The following SPTBN4 variants were observed in gnomAD, a reference collection of about 807,000 sequenced individuals.
The protein encoded by SPTBN4 is spectrin beta, non-erythrocytic 4, also known as spectrin beta chain, non-erythrocytic 4.
A neutral mutation model predicts 277.8 loss-of-function variants in SPTBN4; 96 were observed. The ratio of observed to expected loss-of-function variants is 0.35; its 90% CI spans 0.29 to 0.41. SPTBN4 has a LOEUF of 0.41. Among genes scored for constraint, SPTBN4 ranks in the 10% least tolerant of loss-of-function variants. SPTBN4 has a pLI of 1.00. For missense variants in SPTBN4, 3,006 were observed against 3,595.7 expected (o/e 0.84, Z 4.19); for synonymous variants, 1,481 against 1,580.3 (o/e 0.94, Z 1.49).
chr19:40,510,024 C>T (rs577566945), intron 13 of SPTBN4, among the ~76,000 whole-genome samples: 2 of 152,150 alleles, frequency 1.3e-5, no homozygotes, highest in African/African-American at 2.4e-5. Flanking sequence ...TCAGCAGCTC[C>T]GAGAATACAG....
At chr19:40,566,991 A>AC in intron 30 of SPTBN4, 1 of 298,022 alleles carries the variant, frequency 3.4e-6, no homozygotes, top group Non-Finnish European at 7.0e-6. Flanking sequence ...AAACAACAAA[A>AC]AAAAACCGCT....
chr19:40,534,469 A>G, intron 20 of SPTBN4, 126 bp downstream of exon 20: 2 of 1,280,982 alleles, frequency 1.6e-6, no homozygotes, highest in Non-Finnish European at 2.1e-6. Flanking sequence ...AACTTGTAGA[A>G]GATGAGAAAG....
rs778333089 is a variant in SPTBN4 at position 40,504,097 on chromosome 19, A to T, written c.1630A>T (p.Met544Leu). 6.5e-6 allele frequency: 9 copies of T among 1,391,328 alleles called. No homozygotes were observed. In the South Asian group the frequency reaches 1.0e-4, roughly 16 times the overall value. The allele number at this position is 1,391,328 out of a possible 1,614,324, so 86.2% of individuals were successfully genotyped here. ...TGCCCTGCAGAAGGTCTTCCAGGAG[A>T]TGGTGTACATGGTGGACTGGATGGA... ...NLALQKVFQE[M>L]VYMVDWMEEM... The change falls in exon 12 of 36, where the codon ATG becomes TTG. Residue 544 changes from methionine to leucine, a missense_variant. By Grantham distance (15) the Met-to-Leu change is conservative. Coordinates refer to ENST00000598249, the MANE Select transcript of SPTBN4 (RefSeq NM_020971.3).
chr19:40,490,382 A>C lies in SPTBN4; in HGVS notation c.495+134A>C, dbSNP rs1207504426. 2.6e-6 allele frequency: 3 copies of C among 1,136,186 alleles called. No homozygotes were observed. In the African/African-American group the frequency reaches 4.7e-5, roughly 18 times the overall value. 70.4% of individuals were successfully genotyped at this position (1,136,186 alleles called of 1,614,324 possible). A position where few individuals can be genotyped will look rare whatever the true frequency, so the allele number is the denominator to read the frequency against. On this transcript the variant is annotated intron_variant, in intron 4 of 35. Transcript: ENST00000598249. This position sits in a 1 kb window ranked among gnomAD's most constrained non-coding sequence, Gnocchi z 4.3. ...AATCCTATTCCAGGTGTTAGGGATGAAAATAATGATAAAAATAATTGTCAC... is the reference window on the plus strand; with the variant it reads ...AATCCTATTCCAGGTGTTAGGGATGCAAATAATGATAAAAATAATTGTCAC...
In SPTBN4 at chr19:40,512,865, C is replaced by T. The variant is rs1599750755; in HGVS notation, c.2076C>T (p.Ser692=). 3 of 1,448,294 alleles carry T rather than the reference C, an allele frequency of 2.1e-6. No individual in the cohort carries two copies. The East Asian group carries it at 8.8e-5, about 43-fold the overall frequency. The allele number at this position is 1,448,294 out of a possible 1,614,324, so 89.7% of individuals were successfully genotyped here. The change falls in exon 14 of 36, where the codon TCC becomes TCT. Residue 692 remains serine (S), a synonymous_variant. Transcript: ENST00000598249. The stretch of plus-strand genomic sequence containing the variant: ...CAGCGGGCGGCGCGCATGACCTGTC[C>T]AGCACAGCGCGCCTCCTGGCCCAGC... The part of the protein sequence containing the change: ...AGTAGGAHDL[S]STARLLAQHK...
intron 5 of SPTBN4, among the ~76,000 whole-genome samples, chr19:40,493,793 C>T (rs769658005): frequency 1.3e-5 from 2 of 152,166 alleles, no homozygotes; most frequent in Non-Finnish European, 1.5e-5. Context: ...CTCTTGGACT[C>T]CTCAGAGACC....
rs1389899017 is a variant in SPTBN4, at chr19:40,519,902, CAAG to C, written c.3406_3408del (p.Lys1136del). 3.2e-6 allele frequency: 5 copies of C among 1,541,838 alleles called. No homozygotes were observed. Among genetic ancestry groups the C allele is most frequent in the South Asian group, 1.2e-5 (1 of 84,034 alleles). On this transcript the variant is annotated inframe_deletion, in exon 16 of 36. Coordinates refer to ENST00000598249, the MANE Select transcript of SPTBN4 (RefSeq NM_020971.3). This position sits in a 1 kb window ranked among gnomAD's most constrained non-coding sequence, Gnocchi z 5.7. ...CGCTGCTGGCGCGCCACGCTGCGCTCAAGGAGGAGGTGGACCAGCGCGAGGAAG... is the reference window on the plus strand; with the variant it reads ...CGCTGCTGGCGCGCCACGCTGCGCTCGAGGAGGTGGACCAGCGCGAGGAAG...
In SPTBN4 at chr19:40,565,493, C is replaced by T. The variant is rs989470055; in HGVS notation, c.5986C>T (p.Pro1996Ser). The T allele has an allele frequency of 1.2e-6, 2 of 1,613,992 alleles. No homozygotes were observed. Among genetic ancestry groups the T allele is most frequent in the African/African-American group, 2.7e-5 (2 of 74,894 alleles). ...GLKTELEARV[P>S]ELTTCQELGR... ...GAAGACTGAGCTGGAGGCGCGGGTG[C>T]CTGAGCTGACCACCTGCCAGGAGCT... is the stretch of plus-strand genomic sequence containing the variant. Residue 1996 changes from proline (P) to serine (S), a missense_variant, in exon 28 of 36, where the codon CCT (proline) becomes TCT (serine). This residue lies in a region of SPTBN4 where 425 missense variants were observed against 594.7 expected (regional missense o/e 0.71). Transcript: ENST00000598249.
In SPTBN4 at chr19:40,502,269, C is replaced by A; in HGVS notation, c.1039C>A (p.Gln347Lys). 1 of 1,607,360 alleles carries A rather than the reference C, an allele frequency of 6.2e-7. No homozygotes were observed. Among genetic ancestry groups the A allele is most frequent in the South Asian group, 1.1e-5 (1 of 91,004 alleles). ...FANSLSGVQQ[Q>K]LQAFTAYCTL... ...CAACTCCTTAAGTGGGGTGCAGCAGCAACTCCAGGCTTTCACGGCCTATTG... is the reference window on the plus strand; with the variant it reads ...CAACTCCTTAAGTGGGGTGCAGCAGAAACTCCAGGCTTTCACGGCCTATTG... The change falls in exon 9 of 36, where the codon CAA (glutamine) becomes AAA (lysine). Residue 347 changes from glutamine to lysine, a missense_variant. This residue lies in a region of SPTBN4 where 1,759 missense variants were observed against 2,061.5 expected (regional missense o/e 0.85). Transcript: ENST00000598249. The surrounding 1 kb of genome is among the most constrained non-coding windows in gnomAD (Gnocchi z 4.9).
rs1397743565 is a variant in SPTBN4, at chr19:40,554,313, A to G, written c.4841A>G (p.Gln1614Arg). Residue 1614 changes from glutamine to arginine, a missense_variant, in exon 23 of 36, where the codon CAG (glutamine) becomes CGG (arginine). Around this residue, in one of 5 missense-constraint regions of SPTBN4, gnomAD observed 1,759 missense variants for 2,061.5 expected, o/e 0.85. Coordinates refer to ENST00000598249, the MANE Select transcript of SPTBN4 (RefSeq NM_020971.3). The surrounding 1 kb of genome is among the most constrained non-coding windows in gnomAD (Gnocchi z 5.7). Reference sequence around the variant, plus strand: ...CTGCGGGAGGCTGCCGAGCGACGGCAGCAGGTGCTGGACGCCGCCTTCCAG... The same window carrying G: ...CTGCGGGAGGCTGCCGAGCGACGGCGGCAGGTGCTGGACGCCGCCTTCCAG... ...AGLREAAERRQQVLDAAFQVE... is the reference protein window; with the variant it reads ...AGLREAAERRRQVLDAAFQVE... 1 of 1,547,452 alleles carries G rather than the reference A, an allele frequency of 6.5e-7. No homozygotes were observed. The highest frequency in any genetic ancestry group is 1.2e-5 in the South Asian group (1 of 84,740).
intron 22 of SPTBN4, 39 bp downstream of exon 22, chr19:40,550,366 G>T: frequency 6.3e-7 from 1 of 1,583,820 alleles, no homozygotes; most frequent in South Asian, 1.1e-5. Flanking sequence ...TAGGACATTT[G>T]GATACATGTG....
Position 40,560,615 on chromosome 19 carries a change from C to G in SPTBN4, c.5915+212C>G, listed in dbSNP as rs564142518. On this transcript the variant is annotated intron_variant, in intron 27 of 35. Transcript: ENST00000598249. The surrounding 1 kb of genome is among the most constrained non-coding windows in gnomAD (Gnocchi z 5.2). ...GGGACTTCGGTCATGGGGCATCCTT[C>G]TGTCCGCTGTCCTTCCCAGTTGCCT... The G allele has an allele frequency of 1.4e-6, 2 of 1,439,002 alleles. No homozygotes were observed. Among genetic ancestry groups the G allele is most frequent in the African/African-American group, 2.9e-5 (2 of 69,928 alleles). The allele number at this position is 1,439,002 out of a possible 1,614,324, so 89.1% of individuals were successfully genotyped here.
chr19:40,479,415 T>C (rs1243373527), intron 2 of SPTBN4, among the ~76,000 whole-genome samples: 1 of 152,120 alleles, frequency 6.6e-6, no homozygotes, highest in East Asian at 1.9e-4. Flanking sequence ...CAATTCTCTT[T>C]TATTCCCAAA....
chr19:40,483,436 A>T (rs578120421), intron 2 of SPTBN4, among the ~76,000 whole-genome samples: 1 of 152,106 alleles, frequency 6.6e-6, no homozygotes, highest in African/African-American at 2.4e-5. Context: ...TAAAAATACA[A>T]TTTTTTAAAA....
At chr19:40,469,026 G>C (rs1007306496) in intron 1 of SPTBN4, among the ~76,000 whole-genome samples, 15 of 152,022 alleles carry the variant, frequency 9.9e-5, no homozygotes, top group African/African-American at 3.4e-4. Flanking sequence ...GTGAGCACAA[G>C]AGTTGGAGGC....
chr19:40,504,228 G>T, intron 12 of SPTBN4, 96 bp downstream of exon 12: 1 of 1,290,978 alleles, frequency 7.7e-7, no homozygotes. Flanking sequence ...GATGGAGAGG[G>T]AAGGGCAGAG....
At chr19:40,534,002 C>G (rs934436236) in intron 19 of SPTBN4, 78 bp from the exon 20 acceptor site, 3 of 1,476,146 alleles carry the variant, frequency 2.0e-6, no homozygotes, top group Non-Finnish European at 2.7e-6. Flanking sequence ...TGTGTCCTGT[C>G]ACTCTCCCAC....
intron 22 of SPTBN4, among the ~76,000 whole-genome samples, chr19:40,553,054 T>G (rs911812223): frequency 7.2e-5 from 11 of 152,218 alleles, no homozygotes; most frequent in African/African-American, 2.7e-4. Context: ...TGCCTCAGTC[T>G]TCTCATCTGT....
chr19:40,502,514 CCGGGGATGCAGGGGAGAGG>C lies in SPTBN4; in HGVS notation c.1203+13_1203+31del. 1 of 1,607,790 alleles carries C rather than the reference CCGGGGATGCAGGGGAGAGG, an allele frequency of 6.2e-7. No homozygotes were observed. The highest frequency in any genetic ancestry group is 8.5e-7 in the Non-Finnish European group (1 of 1,177,334). On this transcript the variant is annotated splice_region_variant and intron_variant, in intron 10 of 35. Coordinates refer to ENST00000598249, the MANE Select transcript of SPTBN4 (RefSeq NM_020971.3). This position sits in a 1 kb window ranked among gnomAD's most constrained non-coding sequence, Gnocchi z 4.9. ...CATCTGGGATATTGACAAGGTGAGG[CCGGGGATGCAGGGGAGAGG>C]CGGGGTTGCACTGTGGAGTTGTATA...
Sources: gnomAD v4.1 joint callset for allele counts (sites outside exome capture counted in the v4.1 genomes callset) on GRCh38, gnomAD v4.1.1 for gene constraint, gnomAD v4.1.1 regional missense constraint, Gnocchi (gnomAD v3.1) non-coding constraint, MANE v1.5 for transcripts, NCBI Gene and HGNC (gene_info 2026-07-23, HGNC 2026-07-21) for gene names.